The following CDH7 variants were observed in gnomAD, a reference collection of about 807,000 sequenced individuals.
The protein encoded by CDH7 is cadherin 7.
CDH7 carries 25 observed loss-of-function variants against 71.8 expected under a neutral mutation model. That is an observed-to-expected ratio of 0.35 (90% CI 0.25 to 0.49). The LOEUF (loss-of-function observed/expected upper bound fraction) is 0.49, where lower values mean the gene tolerates loss of function less well. Ranked by LOEUF, CDH7 falls within the 20% of genes least tolerant of loss-of-function variation. The pLI, the probability that CDH7 is intolerant of heterozygous loss-of-function variation, is 0.99. For synonymous variants in CDH7, 381 were observed against 363.8 expected, an observed-to-expected ratio of 1.05 and a Z score of -0.54; for missense variants, 862 against 974.6, an observed-to-expected ratio of 0.88 and a Z score of 1.54.
At chr18:65,800,964 A>C (rs1459062836) in intron 2 of CDH7, among the ~76,000 whole-genome samples, 1 of 152,154 alleles carries the variant, frequency 6.6e-6, no homozygotes, top group Non-Finnish European at 1.5e-5. Context: ...TTCTTTAAAA[A>C]GCACTTCCCT....
At chr18:65,774,662 C>T (rs923924619) in intron 2 of CDH7, among the ~76,000 whole-genome samples, 2 of 151,952 alleles carry the variant, frequency 1.3e-5, no homozygotes, top group Non-Finnish European at 2.9e-5. Context: ...ACTCTCATAT[C>T]TCAGATAATG....
At position 65,844,014 on chromosome 18, in the gene CDH7, T is replaced by G. The variant is rs1912839463; in HGVS notation, c.1184T>G (p.Ile395Ser). 6.2e-7 allele frequency: 1 copy of G among 1,613,028 alleles called. No homozygotes were observed. Residue 395 changes from isoleucine (I) to serine (S), a missense_variant, in exon 7 of 12, where the codon ATC becomes AGC. Coordinates refer to ENST00000397968, the MANE Select transcript of CDH7 (RefSeq NM_004361.5). Reference protein sequence around the residue: ...EVSEATQVGNIIGTVAAHDPD... With the variant: ...EVSEATQVGNSIGTVAAHDPD... ...TCGGAAGCTACCCAGGTTGGGAATA[T>G]CATTGGCACTGTAGCAGCTCATGAC...
At chr18:65,859,385 G>A (rs1913478918) in intron 9 of CDH7, among the ~76,000 whole-genome samples, 2 of 152,128 alleles carry the variant, frequency 1.3e-5, no homozygotes, top group South Asian at 4.1e-4. Flanking sequence ...ACAATTCTAA[G>A]AATTAAGTGC....
intron 1 of CDH7, among the ~76,000 whole-genome samples, chr18:65,762,063 G>A (rs888949731): frequency 6.6e-6 from 1 of 152,218 alleles, no homozygotes; most frequent in Non-Finnish European, 1.5e-5. Flanking sequence ...AAACTACTGA[G>A]CTTTTCAGCT....
intron 1 of CDH7, among the ~76,000 whole-genome samples, chr18:65,762,176 GTT>G (rs1335052800): frequency 6.6e-6 from 1 of 152,068 alleles, no homozygotes; most frequent in African/African-American, 2.4e-5. Context: ...TCTCTTTACA[GTT>G]TCACAGAAGA....
intron 3 of CDH7, among the ~76,000 whole-genome samples, chr18:65,811,699 C>T (rs1911541748): frequency 6.6e-6 from 1 of 152,140 alleles, no homozygotes; most frequent in African/African-American, 2.4e-5. Context: ...CAATTCAATT[C>T]AACTTCGTAC....
chr18:65,776,579 G>T (rs576332675), intron 2 of CDH7, among the ~76,000 whole-genome samples: 1 of 152,244 alleles, frequency 6.6e-6, no homozygotes, highest in East Asian at 1.9e-4. Context: ...CTAGATAAAT[G>T]AGATTGCTTG....
At chr18:65,861,608 A>T (rs2144036059) in intron 10 of CDH7, among the ~76,000 whole-genome samples, 1 of 152,262 alleles carries the variant, frequency 6.6e-6, no homozygotes, top group African/African-American at 2.4e-5. Context: ...AATCTACCAG[A>T]TGGAATCTGA....
intron 10 of CDH7, among the ~76,000 whole-genome samples, chr18:65,860,099 A>C (rs1913510123): frequency 6.6e-6 from 1 of 152,170 alleles, no homozygotes; most frequent in Non-Finnish European, 1.5e-5. Flanking sequence ...TTGTATACCA[A>C]GTTCATTATC....
chr18:65,825,845 G>A (rs1034978082), intron 6 of CDH7, among the ~76,000 whole-genome samples: 5 of 151,792 alleles, frequency 3.3e-5, no homozygotes, highest in African/African-American at 1.2e-4. Flanking sequence ...TTAATAACTA[G>A]AGTAGGCCAA....
chr18:65,851,706 AT>A (rs1309361428), intron 7 of CDH7, among the ~76,000 whole-genome samples: 1 of 152,248 alleles, frequency 6.6e-6, no homozygotes, highest in Non-Finnish European at 1.5e-5. Context: ...ATTTTAAAAA[AT>A]TCAGTGTTAG....
intron 2 of CDH7, among the ~76,000 whole-genome samples, chr18:65,792,278 G>A (rs1260382199): frequency 1.3e-5 from 2 of 150,020 alleles, no homozygotes; most frequent in East Asian, 3.9e-4. Flanking sequence ...GGACAAAGGA[G>A]GGTTTTCTGA....
At chr18:65,799,205 A>G (rs116508964) in intron 2 of CDH7, among the ~76,000 whole-genome samples, 1 of 152,016 alleles carries the variant, frequency 6.6e-6, no homozygotes, top group Non-Finnish European at 1.5e-5. Context: ...CCTGCTCCTG[A>G]TGATCAAGAT....
chr18:65,786,081 C>T (rs1910503268), intron 2 of CDH7, among the ~76,000 whole-genome samples: 1 of 152,074 alleles, frequency 6.6e-6, no homozygotes, highest in Non-Finnish European at 1.5e-5. Context: ...GCTAGAGCTG[C>T]CCATTAATAT....
intron 2 of CDH7, among the ~76,000 whole-genome samples, chr18:65,806,723 C>T (rs944696854): frequency 2.6e-5 from 4 of 151,898 alleles, no homozygotes; most frequent in Admixed American, 1.3e-4. Flanking sequence ...AACTTAAGAA[C>T]GTGATTTGCT....
At chr18:65,759,552 C>A (rs1161748463) in intron 1 of CDH7, among the ~76,000 whole-genome samples, 1 of 151,880 alleles carries the variant, frequency 6.6e-6, no homozygotes. Flanking sequence ...ACACCCGGCC[C>A]CCATTATCTT....
rs371567785 is a variant in CDH7 at position 65,781,922 on chromosome 18, TTCTCTCTC to T, written c.210+18886_210+18893del. Among the ~76,000 whole-genome samples the T allele has an allele frequency of 1.2e-4, 5 of 40,668 alleles. 2 individuals are homozygous for T. In the East Asian group the frequency reaches 3.1e-3, roughly 25 times the overall value. 26.7% of individuals were successfully genotyped at this position (40,668 alleles called of 152,430 possible). A position where few individuals can be genotyped will look rare whatever the true frequency, so the allele number is the denominator to read the frequency against. On this transcript the variant is annotated intron_variant, in intron 2 of 11. Transcript: ENST00000397968. ...TCTCTATCTTTCTCTCTTTCTCTCT[TTCTCTCTC>T]TCTCTCTCTCTCTCTTTCTCTCTTT...
At chr18:65,790,763 G>A (rs1476807428) in intron 2 of CDH7, among the ~76,000 whole-genome samples, 1 of 152,176 alleles carries the variant, frequency 6.6e-6, no homozygotes, top group African/African-American at 2.4e-5. Flanking sequence ...CAGCAGCTCA[G>A]GAGGCTGAGG....
chr18:65,883,141 T>C lies in CDH7; in HGVS notation c.*2247T>C, dbSNP rs1318910938. 6.6e-6 allele frequency: 1 copy of C among 152,082 alleles called. No individual in the cohort carries two copies. Among genetic ancestry groups the C allele is most frequent in the African/African-American group, 2.4e-5 (1 of 41,442 alleles). 9.4% of individuals were successfully genotyped at this position (152,082 alleles called of 1,614,324 possible). A position where few individuals can be genotyped will look rare whatever the true frequency, so the allele number is the denominator to read the frequency against. ...AGAAAGGTTCATGTTTAAATAATAA[T>C]TTAAAATTATTGCATATACCCAATT... On this transcript the variant is annotated 3_prime_UTR_variant, in exon 12 of 12. Coordinates refer to ENST00000397968, the MANE Select transcript of CDH7 (RefSeq NM_004361.5).
Sources: gnomAD v4.1 joint callset for allele counts (sites outside exome capture counted in the v4.1 genomes callset) on GRCh38, gnomAD v4.1.1 for gene constraint, MANE v1.5 for transcripts, NCBI Gene and HGNC (gene_info 2026-07-23, HGNC 2026-07-21) for gene names.